The following DHRS3 variants were observed in gnomAD, a reference collection of about 807,000 sequenced individuals.
DHRS3 encodes the protein short-chain dehydrogenase/reductase 3.
DHRS3 carries 14 observed loss-of-function variants against 27.2 expected under a neutral mutation model. That is an observed-to-expected ratio of 0.52 (90% CI 0.34 to 0.81). The LOEUF (loss-of-function observed/expected upper bound fraction) is 0.81. Among genes scored for constraint, DHRS3 ranks in the 30% least tolerant of loss-of-function variants. The pLI is 0.01. For missense variants in DHRS3, 322 were observed against 406.2 expected (o/e 0.79, Z 1.78); for synonymous variants, 165 against 175.9 (o/e 0.94, Z 0.49).
chr1:12,596,970 T>C (rs1646802596), intron 1 of DHRS3, among the ~76,000 whole-genome samples: 1 of 151,982 alleles, frequency 6.6e-6, no homozygotes, highest in East Asian at 1.9e-4. Flanking sequence ...TCTTTGGGGA[T>C]GAATAGTCCC....
intron 1 of DHRS3, among the ~76,000 whole-genome samples, chr1:12,597,163 G>A (rs1646804354): frequency 6.6e-6 from 1 of 152,160 alleles, no homozygotes; most frequent in African/African-American, 2.4e-5. Flanking sequence ...TGCAACCTCC[G>A]CCTCCCGGGT....
At chr1:12,573,398 C>G (rs1646556750) in intron 4 of DHRS3, among the ~76,000 whole-genome samples, 1 of 152,238 alleles carries the variant, frequency 6.6e-6, no homozygotes, top group Admixed American at 6.5e-5. Context: ...CTAGGAAGAC[C>G]TTGCTTTTTG....
chr1:12,585,814 G>A (rs934160338), intron 1 of DHRS3, among the ~76,000 whole-genome samples: 2 of 152,230 alleles, frequency 1.3e-5, no homozygotes, highest in Non-Finnish European at 2.9e-5. Flanking sequence ...CTGGGCGGGC[G>A]GAGGCGGGCG....
chr1:12,610,155 T>G (rs1392929350), intron 1 of DHRS3, among the ~76,000 whole-genome samples: 1 of 152,184 alleles, frequency 6.6e-6, no homozygotes, highest in Non-Finnish European at 1.5e-5. Flanking sequence ...CTCTGCTCAC[T>G]GCAACCTCCG....
In DHRS3 at chr1:12,608,527, G is replaced by T. The variant is rs958554873; in HGVS notation, c.195+8627C>A. On this transcript the variant is annotated intron_variant, in intron 1 of 5. Coordinates refer to ENST00000616661, the MANE Select transcript of DHRS3 (RefSeq NM_004753.7). The surrounding 1 kb of genome is among the most constrained non-coding windows in gnomAD (Gnocchi z 4.1). ...TGCCTTCTTTTAATTTTCAAGTGTT[G>T]GTTGATCGATGCTGGTGTCCTCTTT... 2.0e-5 allele frequency among the ~76,000 whole-genome samples: 3 copies of T among 152,098 alleles called. No homozygotes were observed. In the East Asian group the frequency reaches 5.8e-4, roughly 29 times the overall value.
intron 3 of DHRS3, 158 bp from the exon 4 acceptor site, chr1:12,579,114 C>T (rs1218924570): frequency 1.5e-5 from 19 of 1,277,794 alleles, no homozygotes; most frequent in East Asian, 2.5e-5. Flanking sequence ...CCCAGGACAC[C>T]GAGCATATTT....
At chr1:12,614,404 G>A (rs970056798) in intron 1 of DHRS3, among the ~76,000 whole-genome samples, 2 of 151,928 alleles carry the variant, frequency 1.3e-5, no homozygotes, top group Non-Finnish European at 2.9e-5. Context: ...AGACCTTTAC[G>A]CCTAGAAACC....
chr1:12,583,323 T>TCATCCATC (rs533930418), intron 1 of DHRS3, among the ~76,000 whole-genome samples: 12,135 of 126,448 alleles, frequency 0.096, 963 homozygotes, highest in Non-Finnish European at 0.16. Flanking sequence ...CCTACTCCAT[T>TCATCCATC]CATCCATCCA....
chr1:12,582,474 C>T (rs531317424), intron 1 of DHRS3, among the ~76,000 whole-genome samples: 3 of 152,336 alleles, frequency 2.0e-5, no homozygotes, highest in African/African-American at 4.8e-5. Context: ...CTCTCAATGA[C>T]GGTACAAGTC....
chr1:12,569,229 T>TCACA (rs1557509306), intron 5 of DHRS3, among the ~76,000 whole-genome samples: 33 of 140,366 alleles, frequency 2.4e-4, no homozygotes, highest in African/African-American at 8.3e-4. Context: ...TCTCTCTCTC[T>TCACA]CTCACACACA....
rs1275083223 is a variant in DHRS3, at chr1:12,617,987, A to C, written c.-639T>G. Among the ~76,000 whole-genome samples the C allele has an allele frequency of 6.6e-6, 1 of 151,784 alleles. No homozygotes were observed. Among genetic ancestry groups the C allele is most frequent in the African/African-American group, 2.4e-5 (1 of 41,306 alleles). On this transcript the variant is annotated 5_prime_UTR_variant, in exon 1 of 6. Transcript: ENST00000616661. ...GCTTAAACGCGATCTGATTGCCAGC[A>C]ACGTGCAGGAGAAGTGGGGGGTCCG... is the stretch of plus-strand genomic sequence containing the variant.
intron 1 of DHRS3, among the ~76,000 whole-genome samples, chr1:12,588,509 G>A (rs1487734219): frequency 6.6e-6 from 1 of 152,132 alleles, no homozygotes; most frequent in Non-Finnish European, 1.5e-5. Context: ...ACCTCCACTA[G>A]TGCACAGATG....
At chr1:12,585,823 C>T (rs1463079886) in intron 1 of DHRS3, among the ~76,000 whole-genome samples, 3 of 152,172 alleles carry the variant, frequency 2.0e-5, no homozygotes, top group Non-Finnish European at 2.9e-5. Flanking sequence ...CGGAGGCGGG[C>T]GTCTGAGGGT....
chr1:12,596,747 C>G (rs1000065730), intron 1 of DHRS3, among the ~76,000 whole-genome samples: 4 of 152,096 alleles, frequency 2.6e-5, no homozygotes, highest in Admixed American at 6.5e-5. Context: ...GTGGGGAAAA[C>G]TGAAACTGGC....
rs1232079663 is a variant in DHRS3 at position 12,578,567 on chromosome 1, C to T, written c.698+151G>A. ...TTGCTGGGCTCAAGCGATCCACCTG[C>T]CTTGGCTTCCCAAAATGCTAGGATT... On this transcript the variant is annotated intron_variant, in intron 4 of 5. Coordinates refer to ENST00000616661, the MANE Select transcript of DHRS3 (RefSeq NM_004753.7). This position sits in a 1 kb window ranked among gnomAD's most constrained non-coding sequence, Gnocchi z 4.5. The T allele has an allele frequency of 8.1e-6, 6 of 739,538 alleles. No individual in the cohort carries two copies. The East Asian group carries it at 1.1e-4, about 13-fold the overall frequency. The allele number at this position is 739,538 out of a possible 1,614,324, so 45.8% of individuals were successfully genotyped here. A position where few individuals can be genotyped will look rare whatever the true frequency, so the allele number is the denominator to read the frequency against.
intron 4 of DHRS3, among the ~76,000 whole-genome samples, 171 bp from the exon 5 acceptor site, chr1:12,573,024 C>G (rs55991483): frequency 0.14 from 20,865 of 152,168 alleles, 1,949 homozygotes; most frequent in East Asian, 0.36. Context: ...GCCACATTCC[C>G]TCACTCCTCC....
chr1:12,617,194 C>T lies in DHRS3; in HGVS notation c.155G>A (p.Arg52His). 1 of 1,612,990 alleles carries T rather than the reference C, an allele frequency of 6.2e-7. No individual in the cohort carries two copies. Among genetic ancestry groups the T allele is most frequent in the Non-Finnish European group, 8.5e-7 (1 of 1,179,814 alleles). The change falls in exon 1 of 6, where the codon CGT (arginine) becomes CAT (histidine). Residue 52 changes from arginine (R) to histidine (H), a missense_variant. Transcript: ENST00000616661. ...LITGGGRGIG[R>H]QLAREFAERG... is the part of the protein sequence containing the mutation. The stretch of plus-strand genomic sequence containing the variant: ...CTCCGCGAACTCGCGGGCGAGCTGA[C>T]GCCCGATGCCTCTCCCGCCGCCGGT...
At chr1:12,583,166 CTCCA>C (rs1215232542) in intron 1 of DHRS3, among the ~76,000 whole-genome samples, 10 of 149,672 alleles carry the variant, frequency 6.7e-5, no homozygotes, top group Admixed American at 1.3e-4. Context: ...ACCCACCCCA[CTCCA>C]TCCATCCATC....
intron 1 of DHRS3, among the ~76,000 whole-genome samples, chr1:12,598,925 C>A (rs1339958625): frequency 6.6e-6 from 1 of 152,180 alleles, no homozygotes; most frequent in Non-Finnish European, 1.5e-5. Context: ...AGGAAATAAA[C>A]ATTTTACTGG....
Sources: allele counts gnomAD v4.1 joint callset (sites outside exome capture counted in the v4.1 genomes callset), GRCh38; gene constraint gnomAD v4.1.1; non-coding constraint Gnocchi (gnomAD v3.1); transcripts MANE v1.5; gene names NCBI Gene and HGNC (gene_info 2026-07-23, HGNC 2026-07-21).